PTPRG: variants seen among roughly 807,000 people sequenced by gnomAD.
The protein encoded by PTPRG is protein tyrosine phosphatase receptor type G, also known as receptor-type tyrosine-protein phosphatase gamma.
A neutral mutation model predicts 165.3 loss-of-function variants in PTPRG; 102 were observed. The ratio of observed to expected loss-of-function variants is 0.62; its 90% CI spans 0.53 to 0.73. PTPRG has a LOEUF of 0.73. Among genes scored for constraint, PTPRG ranks in the 30% least tolerant of loss-of-function variants. The pLI, the probability that PTPRG is intolerant of heterozygous loss-of-function variation, is 0.00. For synonymous variants in PTPRG, 675 were observed against 669.5 expected, an observed-to-expected ratio of 1.01 and a Z score of -0.13; for missense variants, 1,866 against 1,861.4, an observed-to-expected ratio of 1.00 and a Z score of -0.05.
rs1377252466 is a variant in PTPRG at position 61,863,696 on chromosome 3, T to A, written c.190+114714T>A. On this transcript the variant is annotated intron_variant, in intron 2 of 29. Coordinates refer to ENST00000474889, the MANE Select transcript of PTPRG (RefSeq NM_002841.4). ...TGACTCTGAGTTCCTAAGACAGGGC[T>A]CTGCTCCCTGCTGCTCCTTGCAAGC... Among the ~76,000 whole-genome samples, 3 of 152,216 alleles carry A rather than the reference T, an allele frequency of 2.0e-5. No homozygotes were observed. The East Asian group carries it at 5.8e-4, about 29-fold the overall frequency.
intron 2 of PTPRG, among the ~76,000 whole-genome samples, chr3:61,988,353 C>G (rs1200522859): frequency 1.3e-5 from 2 of 152,142 alleles, no homozygotes; most frequent in Non-Finnish European, 2.9e-5. Flanking sequence ...TTGTTTATAT[C>G]TACTGTGAGC....
rs377559338 is a variant in PTPRG, at chr3:61,692,710, G to T, written c.86-56168G>T. 7.9e-5 allele frequency among the ~76,000 whole-genome samples: 12 copies of T among 152,310 alleles called. No individual in the cohort carries two copies. In the East Asian group the frequency reaches 1.7e-3, roughly 22 times the overall value. On this transcript the variant is annotated intron_variant, in intron 1 of 29. Transcript: ENST00000474889. ...GAGCTTTTGAGCCAGGATGAGCCAG[G>T]AGAAGGAATTTCACAAGATAATGTC...
intron 2 of PTPRG, among the ~76,000 whole-genome samples, chr3:61,818,870 TAGTGAATAGTG>T (rs1443510072): frequency 2.2e-5 from 2 of 90,196 alleles, no homozygotes; most frequent in African/African-American, 1.2e-4. Flanking sequence ...AATAGTGAAA[TAGTGAATAGTG>T]AAATAGTGAA....
intron 2 of PTPRG, among the ~76,000 whole-genome samples, chr3:61,939,928 C>CTTTTTTTTTTTTTTTTTTTTTTTTTTTT (rs561334410): frequency 5.1e-5 from 2 of 39,142 alleles, no homozygotes; most frequent in African/African-American, 9.0e-5. Flanking sequence ...ACTGACTTGT[C>CTTTTTTTTTTTTTTTTTTTTTTTTTTTT]TTTTTTTTTT....
intron 18 of PTPRG, 78 bp downstream of exon 18, chr3:62,267,570 C>A: frequency 1.3e-6 from 2 of 1,514,346 alleles, no homozygotes; most frequent in Non-Finnish European, 9.0e-7. Context: ...TATTTTAATA[C>A]TGTACAGAGC....
chr3:61,830,521 C>T (rs746115439), intron 2 of PTPRG, among the ~76,000 whole-genome samples: 18 of 149,326 alleles, frequency 1.2e-4, no homozygotes, highest in South Asian at 4.2e-4. Flanking sequence ...TTTGAATCTT[C>T]GACTTACGAC....
At chr3:61,955,578 T>C (rs763695062) in intron 2 of PTPRG, among the ~76,000 whole-genome samples, 2 of 152,170 alleles carry the variant, frequency 1.3e-5, no homozygotes, top group South Asian at 4.1e-4. Context: ...CTGAGCAATA[T>C]AGATACCTGG....
At chr3:61,749,345 A>G (rs2033341227) in intron 2 of PTPRG, 2 of 363,466 alleles carry the variant, frequency 5.5e-6, no homozygotes, top group African/African-American at 4.3e-5. Context: ...TGAGCTGCTA[A>G]ATGTCTGCTA....
rs569359430 is a variant in PTPRG, at chr3:61,610,757, C to G, written c.85+48385C>G. Among the ~76,000 whole-genome samples the G allele has an allele frequency of 8.8e-3, 989 of 112,722 alleles. 15 individuals carry two copies. The highest frequency in any genetic ancestry group is 0.029 in the African/African-American group (894 of 30,818). The allele number at this position is 112,722 out of a possible 152,430, so 74.0% of individuals were successfully genotyped here. The stretch of plus-strand genomic sequence containing the variant: ...TGCCTTCCTGCCTCCCTGCCTCCCT[C>G]CCTCCCTCCCTCCCTACCTCCCTCC... On this transcript the variant is annotated intron_variant, in intron 1 of 29. Transcript: ENST00000474889.
chr3:61,604,877 A>G (rs947594288), intron 1 of PTPRG, among the ~76,000 whole-genome samples: 1 of 152,282 alleles, frequency 6.6e-6, no homozygotes, highest in South Asian at 2.1e-4. Flanking sequence ...GTGCCCTGAT[A>G]TATATTACCT....
At chr3:62,059,039 C>T (rs796461119) in intron 4 of PTPRG, among the ~76,000 whole-genome samples, 6 of 152,148 alleles carry the variant, frequency 3.9e-5, no homozygotes, top group Admixed American at 6.5e-5. Flanking sequence ...CCCAGGTATC[C>T]GGTCTGCTCT....
intron 2 of PTPRG, among the ~76,000 whole-genome samples, chr3:61,812,438 A>C (rs879918822): frequency 6.6e-6 from 1 of 152,144 alleles, no homozygotes; most frequent in African/African-American, 2.4e-5. Flanking sequence ...GGGTATGTAC[A>C]TTTTTGTGGT....
chr3:61,935,072 A>C (rs2039452433), intron 2 of PTPRG, among the ~76,000 whole-genome samples: 1 of 151,850 alleles, frequency 6.6e-6, no homozygotes, highest in South Asian at 2.1e-4. Context: ...TCCTTCCCAC[A>C]CATGTGCCTT....
chr3:62,082,048 A>G (rs2136069), intron 5 of PTPRG, among the ~76,000 whole-genome samples: 44,294 of 152,030 alleles, frequency 0.29, 8,363 homozygotes, highest in African/African-American at 0.54. Context: ...AAAAGGCTAT[A>G]CTCTGACTTG....
chr3:61,975,564 A>C (rs891535696), intron 2 of PTPRG, among the ~76,000 whole-genome samples: 2 of 152,226 alleles, frequency 1.3e-5, no homozygotes, highest in African/African-American at 4.8e-5. Flanking sequence ...TTCGTCATCC[A>C]TGACCATTGT....
At position 62,195,051 on chromosome 3, in the gene PTPRG, T is replaced by A; in HGVS notation, c.1219-11T>A. On this transcript the variant is annotated splice_polypyrimidine_tract_variant and intron_variant, in intron 9 of 29. Coordinates refer to ENST00000474889, the MANE Select transcript of PTPRG (RefSeq NM_002841.4). This position sits in a 1 kb window ranked among gnomAD's most constrained non-coding sequence, Gnocchi z 4.4. ...AAACTAACTCACTGCTTTTTCCTTCTTTACTTACAGAAAGCCACCATTAGC... is the reference window on the plus strand; with the variant it reads ...AAACTAACTCACTGCTTTTTCCTTCATTACTTACAGAAAGCCACCATTAGC... The A allele has an allele frequency of 6.2e-7, 1 of 1,613,232 alleles. No homozygotes were observed. Among genetic ancestry groups the A allele is most frequent in the Non-Finnish European group, 8.5e-7 (1 of 1,179,148 alleles).
intron 4 of PTPRG, among the ~76,000 whole-genome samples, chr3:62,066,154 T>A (rs1701006549): frequency 6.6e-6 from 1 of 152,218 alleles, no homozygotes; most frequent in Non-Finnish European, 1.5e-5. Flanking sequence ...TAATTTTGCT[T>A]AGCTTAATTG....
intron 4 of PTPRG, among the ~76,000 whole-genome samples, chr3:62,069,088 G>A (rs1701116524): frequency 6.6e-6 from 1 of 152,176 alleles, no homozygotes; most frequent in African/African-American, 2.4e-5. Flanking sequence ...GCTAGCCTGT[G>A]GAAATGGTTT....
chr3:61,726,822 C>T (rs1022529007), intron 1 of PTPRG, among the ~76,000 whole-genome samples: 42 of 152,032 alleles, frequency 2.8e-4, no homozygotes, highest in African/African-American at 8.0e-4. Flanking sequence ...CCGAGGCGGG[C>T]GGATCACGAG....
Sources: gnomAD v4.1 joint callset for allele counts (sites outside exome capture counted in the v4.1 genomes callset) on GRCh38, gnomAD v4.1.1 for gene constraint, Gnocchi (gnomAD v3.1) non-coding constraint, MANE v1.5 for transcripts, NCBI Gene and HGNC (gene_info 2026-07-23, HGNC 2026-07-21) for gene names.